The following PTPRD variants were observed in gnomAD, a reference collection of about 807,000 sequenced individuals.
The protein encoded by PTPRD is receptor-type tyrosine-protein phosphatase delta.
PTPRD carries 34 observed loss-of-function variants against 214.5 expected under a neutral mutation model. That is an observed-to-expected ratio of 0.16 (90% CI 0.12 to 0.21). PTPRD has a LOEUF of 0.21. Ranked by LOEUF, PTPRD falls within the 10% of genes least tolerant of loss-of-function variation. The pLI, the probability that PTPRD is intolerant of heterozygous loss-of-function variation, is 1.00. For missense variants in PTPRD, 2,545 were observed against 2,398.7 expected (o/e 1.06, Z -1.27); for synonymous variants, 1,128 against 845.7 (o/e 1.33, Z -5.79).
chr9:9,363,782 A>G (rs1596397997), intron 9 of PTPRD, among the ~76,000 whole-genome samples: 1 of 151,382 alleles, frequency 6.6e-6, no homozygotes, highest in African/African-American at 2.4e-5. Flanking sequence ...GAAACCATCG[A>G]TATATTTTTT....
chr9:8,784,600 A>G (rs1187847492), intron 11 of PTPRD, among the ~76,000 whole-genome samples: 1 of 152,076 alleles, frequency 6.6e-6, no homozygotes, highest in African/African-American at 2.4e-5. Flanking sequence ...AACCTTTCCA[A>G]TTCGGCAAAA....
chr9:9,718,467 C>A (rs376780417), intron 7 of PTPRD, among the ~76,000 whole-genome samples: 2 of 152,136 alleles, frequency 1.3e-5, no homozygotes, highest in African/African-American at 4.8e-5. Flanking sequence ...GGGAGCCCTG[C>A]GCCCAACTAA....
intron 11 of PTPRD, among the ~76,000 whole-genome samples, chr9:8,736,451 TA>T (rs1459487150): frequency 1.3e-5 from 2 of 152,152 alleles, no homozygotes; most frequent in African/African-American, 4.8e-5. Context: ...ATTTGAAACA[TA>T]TACAAAATTT....
intron 14 of PTPRD, among the ~76,000 whole-genome samples, chr9:8,628,995 G>A (rs1463324213): frequency 6.6e-6 from 1 of 151,750 alleles, no homozygotes; most frequent in Non-Finnish European, 1.5e-5. Context: ...GGTGGTGGTG[G>A]TTTGGGGCAG....
At chr9:10,419,058 C>A (rs1033635851) in intron 2 of PTPRD, among the ~76,000 whole-genome samples, 8 of 151,836 alleles carry the variant, frequency 5.3e-5, no homozygotes, top group African/African-American at 1.9e-4. Context: ...GGCATTAGGG[C>A]TGAAGTACTC....
At chr9:9,629,531 A>T (rs940067397) in intron 7 of PTPRD, among the ~76,000 whole-genome samples, 7 of 152,124 alleles carry the variant, frequency 4.6e-5, no homozygotes, top group Non-Finnish European at 1.0e-4. Context: ...CCTATAGCTG[A>T]GAAATTAAAT....
intron 5 of PTPRD, among the ~76,000 whole-genome samples, chr9:9,865,697 G>C (rs892821779): frequency 6.6e-6 from 1 of 152,192 alleles, no homozygotes; most frequent in Non-Finnish European, 1.5e-5. Context: ...TCATCAGTTG[G>C]TTCTCTGGTC....
rs184912873 is a variant in PTPRD at position 8,779,448 on chromosome 9, T to A, written c.-103-45502A>T. ...GGCGGGGCTTCAATAAAACCTAATG[T>A]GTCGTCCCGGGGTTGGGTTTCCATG... On this transcript the variant is annotated intron_variant, in intron 11 of 45. Coordinates refer to ENST00000381196, the MANE Select transcript of PTPRD (RefSeq NM_002839.4). Among the ~76,000 whole-genome samples, 426 of 152,228 alleles carry A rather than the reference T, an allele frequency of 2.8e-3. 1 individual carries two copies. Among genetic ancestry groups the A allele is most frequent in the Non-Finnish European group, 3.4e-3 (234 of 68,018 alleles).
intron 14 of PTPRD, among the ~76,000 whole-genome samples, chr9:8,534,864 T>C (rs1275106832): frequency 2.6e-5 from 4 of 151,778 alleles, no homozygotes; most frequent in Admixed American, 6.6e-5. Context: ...TTTATGAAAA[T>C]TACACCATAT....
In PTPRD at chr9:9,138,128, A is replaced by G. The variant is rs117736787; in HGVS notation, c.-143+45176T>C. ...GCAGATGAATAATACCTGTTAAATC[A>G]AAGGCAAAGAAATCTTTTTTTTTTC... On this transcript the variant is annotated intron_variant, in intron 10 of 45. Transcript: ENST00000381196. 6.1e-3 allele frequency among the ~76,000 whole-genome samples: 919 copies of G among 151,806 alleles called. 10 individuals are homozygous for G. Among genetic ancestry groups the G allele is most frequent in the African/African-American group, 0.021 (881 of 41,230 alleles).
rs1295924688 is a variant in PTPRD at position 9,845,123 on chromosome 9, TATATAG to T, written c.-367-78278_-367-78273del. 1.2e-3 allele frequency among the ~76,000 whole-genome samples: 45 copies of T among 36,280 alleles called. 3 individuals are homozygous for T. Among genetic ancestry groups the T allele is most frequent in the African/African-American group, 4.3e-3 (43 of 9,914 alleles). The allele number at this position is 36,280 out of a possible 152,430, so 23.8% of individuals were successfully genotyped here. A position where few individuals can be genotyped will look rare whatever the true frequency, so the allele number is the denominator to read the frequency against. On this transcript the variant is annotated intron_variant, in intron 5 of 45. Transcript: ENST00000381196. ...ATATACTGCTATATATATTGCTCTA[TATATAG>T]AGCAATATATATATATATTGCTCTA...
At chr9:9,683,033 A>G (rs4742609) in intron 7 of PTPRD, among the ~76,000 whole-genome samples, 53,663 of 151,614 alleles carry the variant, frequency 0.35, 10,041 homozygotes, top group Admixed American at 0.5. Flanking sequence ...GTTATAGTAT[A>G]AAATCACAGA....
At chr9:9,522,839 G>C (rs1013147402) in intron 8 of PTPRD, among the ~76,000 whole-genome samples, 4 of 152,124 alleles carry the variant, frequency 2.6e-5, no homozygotes, top group Admixed American at 1.3e-4. Context: ...TATGAATTGA[G>C]GGATTTCTCC....
At chr9:10,103,082 C>T (rs531431331) in intron 3 of PTPRD, among the ~76,000 whole-genome samples, 56 of 151,498 alleles carry the variant, frequency 3.7e-4, no homozygotes, top group Admixed American at 9.3e-4. Flanking sequence ...AAAGGGATTA[C>T]GAAGAGCTGA....
Position 8,521,550 on chromosome 9 carries a change from G to A in PTPRD, c.692-4C>T, listed in dbSNP as rs540707094. 6.2e-7 allele frequency: 1 copy of A among 1,612,014 alleles called. No homozygotes were observed. The highest frequency in any genetic ancestry group is 2.2e-5 in the East Asian group (1 of 44,820). ...AATCTTGGTGGGACACGGCGAACTG[G>A]AACAAAACACAAGGGAAATGATAAC... is the stretch of plus-strand genomic sequence containing the variant. On this transcript the variant is annotated splice_polypyrimidine_tract_variant and splice_region_variant and intron_variant, in intron 19 of 45. Transcript: ENST00000381196.
chr9:9,361,096 C>G (rs924127958), intron 9 of PTPRD, among the ~76,000 whole-genome samples: 1 of 151,108 alleles, frequency 6.6e-6, no homozygotes, highest in Non-Finnish European at 1.5e-5. Context: ...CTAATCATGT[C>G]ATGTTTAAAT....
At chr9:8,575,511 T>A (rs966332434) in intron 14 of PTPRD, among the ~76,000 whole-genome samples, 1 of 152,144 alleles carries the variant, frequency 6.6e-6, no homozygotes, top group East Asian at 1.9e-4. Context: ...CTAGTAAGTA[T>A]CCTTCGTTAC....
intron 7 of PTPRD, among the ~76,000 whole-genome samples, chr9:9,642,891 A>G (rs2096013969): frequency 2.0e-5 from 3 of 152,216 alleles, no homozygotes. Flanking sequence ...TGTTGCAAAA[A>G]CAGAGCTGTG....
chr9:9,608,981 C>T (rs10977873), intron 7 of PTPRD, among the ~76,000 whole-genome samples: 2 of 151,960 alleles, frequency 1.3e-5, no homozygotes. Context: ...TACTTGCAAA[C>T]TGCTAGAGTA....
Sources: gnomAD v4.1 joint callset for allele counts (sites outside exome capture counted in the v4.1 genomes callset) on GRCh38, gnomAD v4.1.1 for gene constraint, MANE v1.5 for transcripts, NCBI Gene and HGNC (gene_info 2026-07-23, HGNC 2026-07-21) for gene names.